The following BAZ2B variants were observed in gnomAD, a reference collection of about 807,000 sequenced individuals.
The protein encoded by BAZ2B is bromodomain adjacent to zinc finger domain protein 2B.
Under a neutral mutation model 246.0 loss-of-function variants are expected in BAZ2B, and 91 were observed. The observed-to-expected ratio is 0.37, with a 90% confidence interval of 0.31 to 0.44. The LOEUF is 0.44. Ranked by LOEUF, BAZ2B falls within the 20% of genes least tolerant of loss-of-function variation. The pLI is 1.00. For synonymous variants in BAZ2B, 855 were observed against 860.0 expected (o/e 0.99, Z 0.10); for missense variants, 2,332 against 2,533.7 (o/e 0.92, Z 1.71).
chr2:159,391,144 C>G (rs2063284437), intron 20 of BAZ2B, among the ~76,000 whole-genome samples: 1 of 152,060 alleles, frequency 6.6e-6, no homozygotes, highest in Admixed American at 6.6e-5. Context: ...TGGTTCCTCA[C>G]CAGAGTAATG....
At chr2:159,420,079 A>G (rs1014677636) in intron 13 of BAZ2B, among the ~76,000 whole-genome samples, 3 of 152,204 alleles carry the variant, frequency 2.0e-5, no homozygotes, top group African/African-American at 7.2e-5. Context: ...CTACTGTTTT[A>G]TCTTCCTCAG....
In BAZ2B at chr2:159,385,274, T is replaced by C. The variant is rs372315034; in HGVS notation, c.3567A>G (p.Gly1189=). Residue 1189 remains glycine, a synonymous_variant, in exon 23 of 37, where the codon GGA becomes GGG. Transcript: ENST00000392783. ...ILQIFMEAHC[G]QTELTESLKT... ...TCAGACTTTCAGTAAGCTCAGTTTG[T>C]CCACAGTGGGCTTCCATAAATATCT... 2,078 of 1,613,572 alleles carry C rather than the reference T, an allele frequency of 1.3e-3. 2 individuals carry two copies. Among genetic ancestry groups the C allele is most frequent in the Non-Finnish European group, 1.5e-3 (1,801 of 1,179,662 alleles).
At position 159,319,648 on chromosome 2, in the gene BAZ2B, A is replaced by G. The variant is rs2062475443; in HGVS notation, c.*617T>C. ...ACAAGTGATGCAGCAACATATATATATAAATGTACTTGTAACTCTACAGTA... is the reference window on the plus strand; with the variant it reads ...ACAAGTGATGCAGCAACATATATATGTAAATGTACTTGTAACTCTACAGTA... On this transcript the variant is annotated 3_prime_UTR_variant, in exon 37 of 37. Transcript: ENST00000392783. This position sits in a 1 kb window ranked among gnomAD's most constrained non-coding sequence, Gnocchi z 4.0. 6.6e-6 allele frequency: 1 copy of G among 152,662 alleles called. No individual in the cohort carries two copies. The highest frequency in any genetic ancestry group is 2.1e-4 in the South Asian group (1 of 4,832). The allele number at this position is 152,662 out of a possible 1,614,324, so 9.5% of individuals were successfully genotyped here.
chr2:159,567,541 A>G lies in BAZ2B; in HGVS notation c.-45-11676T>C, dbSNP rs184525390. On this transcript the variant is annotated intron_variant, in intron 1 of 36. Transcript: ENST00000392783. ...CTTTAACATCTTTCAGAGTTCGTCAATGGCATATTGCTTGGGCATTTTAGC... is the reference window on the plus strand; with the variant it reads ...CTTTAACATCTTTCAGAGTTCGTCAGTGGCATATTGCTTGGGCATTTTAGC... Among the ~76,000 whole-genome samples the G allele has an allele frequency of 7.5e-4, 114 of 152,322 alleles. 1 individual carries two copies. The highest frequency in any genetic ancestry group is 2.7e-3 in the African/African-American group (111 of 41,576).
At chr2:159,676,002 T>G in the BAZ2B span, among the ~76,000 whole-genome samples, 1 of 152,196 alleles carries the variant, frequency 6.6e-6, no homozygotes, top group Non-Finnish European at 1.5e-5. Context: ...TTCAGGTGAT[T>G]CTCCTGCCTC....
the BAZ2B span, among the ~76,000 whole-genome samples, chr2:159,669,399 A>C: frequency 6.6e-6 from 1 of 152,210 alleles, no homozygotes; most frequent in Non-Finnish European, 1.5e-5. Flanking sequence ...ACATAAAAAA[A>C]TATGTATTTG....
rs761351027 is a variant in BAZ2B at position 159,438,993 on chromosome 2, A to C, written c.900+16T>G. The stretch of plus-strand genomic sequence containing the variant: ...TATGAATAATGTTTGGATACTGTCC[A>C]TGAAAAAAATTATACCTGGTTGTTA... On this transcript the variant is annotated intron_variant, in intron 7 of 36. Transcript: ENST00000392783. 8 of 1,609,738 alleles carry C rather than the reference A, an allele frequency of 5.0e-6. No individual in the cohort carries two copies. The highest frequency in any genetic ancestry group is 6.8e-6 in the Non-Finnish European group (8 of 1,178,054).
chr2:159,373,425 T>C (rs981755812), intron 26 of BAZ2B, among the ~76,000 whole-genome samples: 7 of 152,216 alleles, frequency 4.6e-5, no homozygotes, highest in African/African-American at 1.7e-4. Flanking sequence ...AGCTACCTGA[T>C]AAAATAAAAC....
intron 4 of BAZ2B, 117 bp downstream of exon 4, chr2:159,453,496 C>A: frequency 8.2e-7 from 1 of 1,214,046 alleles, no homozygotes; most frequent in South Asian, 2.2e-5. Context: ...ATTCTTGCAC[C>A]AAAGTTTTAA....
chr2:159,634,887 C>T, the BAZ2B span, among the ~76,000 whole-genome samples: 418 of 152,146 alleles, frequency 2.7e-3, 1 homozygote, highest in African/African-American at 9.6e-3. Flanking sequence ...TCTCTTTTTC[C>T]CTCCATATAT....
intron 2 of BAZ2B, among the ~76,000 whole-genome samples, chr2:159,479,051 C>G (rs2078952866): frequency 1.3e-5 from 2 of 152,040 alleles, no homozygotes; most frequent in Admixed American, 6.6e-5. Context: ...TACCTCACAT[C>G]AGTTCACTTG....
At chr2:159,553,412 A>AAAAAAAAAAAG (rs2088621314) in intron 2 of BAZ2B, among the ~76,000 whole-genome samples, 1 of 129,310 alleles carries the variant, frequency 7.7e-6, no homozygotes. Flanking sequence ...AAAAAAAAAA[A>AAAAAAAAAAAG]AAAAGAAAAG....
At chr2:159,629,072 A>G in the BAZ2B span, among the ~76,000 whole-genome samples, 1 of 152,256 alleles carries the variant, frequency 6.6e-6, no homozygotes, top group African/African-American at 2.4e-5. Context: ...CATATGAAAA[A>G]AAGCTCATCA....
Position 159,400,239 on chromosome 2 carries a change from C to G in BAZ2B, c.2898+360G>C, listed in dbSNP as rs527506614. 2.0e-5 allele frequency among the ~76,000 whole-genome samples: 3 copies of G among 152,288 alleles called. No individual in the cohort carries two copies. The East Asian group carries it at 5.8e-4, about 29-fold the overall frequency. ...ATTTACTTTTACTTTTGAAATCTTA[C>G]TTCTGTAAACATTTGTTTCTAAACT... On this transcript the variant is annotated intron_variant, in intron 17 of 36. Transcript: ENST00000392783.
chr2:159,469,578 G>A (rs1577416157), intron 3 of BAZ2B, among the ~76,000 whole-genome samples: 1 of 152,054 alleles, frequency 6.6e-6, no homozygotes, highest in African/African-American at 2.4e-5. Context: ...TGGGATTACA[G>A]GTGCCCGCCA....
At chr2:159,506,188 C>T (rs1240136794) in intron 2 of BAZ2B, among the ~76,000 whole-genome samples, 1 of 152,078 alleles carries the variant, frequency 6.6e-6, no homozygotes. Context: ...TCTACAAGGA[C>T]ATGTGACTAC....
intron 1 of BAZ2B, among the ~76,000 whole-genome samples, chr2:159,580,597 C>T (rs546227303): frequency 7.9e-5 from 12 of 152,276 alleles, no homozygotes; most frequent in Non-Finnish European, 1.3e-4. Context: ...AAAAAGAGCT[C>T]GCGTTGCCAA....
At chr2:159,388,367 T>C (rs545761100) in intron 21 of BAZ2B, among the ~76,000 whole-genome samples, 1 of 152,258 alleles carries the variant, frequency 6.6e-6, no homozygotes, top group Non-Finnish European at 1.5e-5. Flanking sequence ...TACAGCAATG[T>C]TTCTAAATTT....
chr2:159,623,841 T>A, the BAZ2B span, among the ~76,000 whole-genome samples: 1 of 152,262 alleles, frequency 6.6e-6, no homozygotes, highest in Non-Finnish European at 1.5e-5. Flanking sequence ...CAAATATCTG[T>A]CATAATGAAA....
Sources: allele counts gnomAD v4.1 joint callset (sites outside exome capture counted in the v4.1 genomes callset), GRCh38; gene constraint gnomAD v4.1.1; non-coding constraint Gnocchi (gnomAD v3.1); transcripts MANE v1.5; gene names NCBI Gene and HGNC (gene_info 2026-07-23, HGNC 2026-07-21).